Variants in GRK7 observed in about 807,000 individuals in gnomAD.
GRK7 encodes rhodopsin kinase GRK7.
A neutral mutation model predicts 34.1 loss-of-function variants in GRK7; 24 were observed. The ratio of observed to expected loss-of-function variants is 0.70; its 90% CI spans 0.51 to 0.99. GRK7 has a LOEUF of 0.99. Ranked by LOEUF, GRK7 falls within the 50% of genes least tolerant of loss-of-function variation. GRK7 has a pLI of 0.00. For missense variants in GRK7, 644 were observed against 707.3 expected (o/e 0.91, Z 1.02); for synonymous variants, 256 against 279.4 (o/e 0.92, Z 0.84).
intron 1 of GRK7, among the ~76,000 whole-genome samples, chr3:141,769,477 G>A (rs2084606244): frequency 5.3e-5 from 8 of 152,308 alleles, no homozygotes; most frequent in Admixed American, 5.2e-4. Context: ...CACATCGTAT[G>A]GCTAAACACT....
intron 5 of GRK7, among the ~76,000 whole-genome samples, chr3:141,815,218 T>G (rs1711139283): frequency 1.4e-5 from 2 of 139,672 alleles, no homozygotes; most frequent in African/African-American, 5.5e-5. Context: ...AGCCACCATG[T>G]CTGGTTGGTT....
intron 2 of GRK7, among the ~76,000 whole-genome samples, 131 bp downstream of exon 2, chr3:141,774,811 T>C (rs1359234409): frequency 2.1e-5 from 3 of 144,154 alleles, no homozygotes; most frequent in African/African-American, 7.6e-5. Flanking sequence ...ATTATTATTA[T>C]TATTAATTAT....
chr3:141,774,047 A>T (rs971136453), intron 1 of GRK7, among the ~76,000 whole-genome samples: 9 of 152,152 alleles, frequency 5.9e-5, no homozygotes, highest in Admixed American at 2.0e-4. Context: ...CTCTGCTTCT[A>T]ATATAAGAAT....
chr3:141,784,256 C>T (rs1030364936), intron 4 of GRK7, among the ~76,000 whole-genome samples: 10 of 152,162 alleles, frequency 6.6e-5, no homozygotes, highest in Non-Finnish European at 7.4e-5. Flanking sequence ...CAGTGCTGTC[C>T]GCTACCAGGA....
intron 1 of GRK7, among the ~76,000 whole-genome samples, chr3:141,768,801 C>A (rs2084602488): frequency 6.6e-6 from 1 of 152,100 alleles, no homozygotes; most frequent in African/African-American, 2.4e-5. Context: ...TTTCTTTCTC[C>A]TCATCATCTC....
chr3:141,787,121 A>C (rs989924953), intron 4 of GRK7, among the ~76,000 whole-genome samples: 14 of 152,292 alleles, frequency 9.2e-5, no homozygotes, highest in Admixed American at 4.6e-4. Flanking sequence ...TAGCCTGACC[A>C]ACATCTCCAT....
At chr3:141,781,414 G>A (rs1485563727) in intron 4 of GRK7, among the ~76,000 whole-genome samples, 1 of 151,890 alleles carries the variant, frequency 6.6e-6, no homozygotes, top group Non-Finnish European at 1.5e-5. Context: ...ACAGGCGCCT[G>A]TAATCCCAGC....
intron 4 of GRK7, among the ~76,000 whole-genome samples, chr3:141,806,428 T>C (rs1711036816): frequency 6.6e-6 from 1 of 152,048 alleles, no homozygotes; most frequent in African/African-American, 2.4e-5. Context: ...CCAGGCGTGG[T>C]GGCAGGCGCC....
At chr3:141,790,755 G>A (rs1447032784) in intron 4 of GRK7, among the ~76,000 whole-genome samples, 1 of 151,996 alleles carries the variant, frequency 6.6e-6, no homozygotes, top group Non-Finnish European at 1.5e-5. Context: ...GTAGAGTCGG[G>A]GTTTCACCAT....
Position 141,817,156 on chromosome 3 carries a change from A to T in GRK7, c.*106A>T. The T allele has an allele frequency of 1.3e-6, 1 of 796,628 alleles. No individual in the cohort carries two copies. The highest frequency in any genetic ancestry group is 2.0e-6 in the Non-Finnish European group (1 of 504,632). 49.3% of individuals were successfully genotyped at this position (796,628 alleles called of 1,614,324 possible). A position where few individuals can be genotyped will look rare whatever the true frequency, so the allele number is the denominator to read the frequency against. On this transcript the variant is annotated 3_prime_UTR_variant, in exon 6 of 6. Coordinates refer to ENST00000682958, the MANE Select transcript of GRK7 (RefSeq NM_139209.3). ...TGAGGGCTAATCAGTTAGGAGGGAC[A>T]TCACAACCACAAAACAATTCAAAAG...
At chr3:141,754,459 G>T in the GRK7 span, among the ~76,000 whole-genome samples, 1 of 137,044 alleles carries the variant, frequency 7.3e-6, no homozygotes, top group Non-Finnish European at 1.5e-5. Flanking sequence ...TTTTGAGACA[G>T]GGTCTCACTC....
intron 1 of GRK7, among the ~76,000 whole-genome samples, chr3:141,769,131 T>C (rs1200436673): frequency 6.6e-6 from 1 of 152,060 alleles, no homozygotes; most frequent in African/African-American, 2.4e-5. Context: ...CCACCTAACA[T>C]CACCACTGGG....
chr3:141,791,135 C>G (rs773197761), intron 4 of GRK7, among the ~76,000 whole-genome samples: 1 of 152,158 alleles, frequency 6.6e-6, no homozygotes, highest in Non-Finnish European at 1.5e-5. Context: ...AAGCTTGTTA[C>G]ATGTTTAGAT....
chr3:141,767,821 A>G (rs2107871101), intron 1 of GRK7, among the ~76,000 whole-genome samples: 1 of 152,264 alleles, frequency 6.6e-6, no homozygotes, highest in South Asian at 2.1e-4. Flanking sequence ...CCACAGGGAC[A>G]ATGCTAAGTG....
chr3:141,780,952 G>A, intron 4 of GRK7, 141 bp downstream of exon 4: 1 of 711,674 alleles, frequency 1.4e-6, no homozygotes, highest in East Asian at 2.7e-5. Context: ...TTGTCATCTT[G>A]CCTTAAGATG....
At chr3:141,777,605 C>T (rs1490976426) in intron 2 of GRK7, among the ~76,000 whole-genome samples, 2 of 150,484 alleles carry the variant, frequency 1.3e-5, no homozygotes, top group African/African-American at 4.9e-5. Flanking sequence ...TCTTTTAACC[C>T]AAGGTACTCC....
At chr3:141,763,291 A>G (rs2084565548), upstream of GRK7, among the ~76,000 whole-genome samples, 1 of 151,128 alleles carries the variant, frequency 6.6e-6, no homozygotes, top group South Asian at 2.1e-4. Context: ...GTGAGGGCAT[A>G]AGGCACCTAA....
chr3:141,788,541 GA>G (rs1324815737), intron 4 of GRK7, among the ~76,000 whole-genome samples: 1 of 152,166 alleles, frequency 6.6e-6, no homozygotes, highest in Non-Finnish European at 1.5e-5. Context: ...ACAGCTCCTA[GA>G]ACACGGTGAC....
intron 4 of GRK7, among the ~76,000 whole-genome samples, chr3:141,799,012 T>C (rs556154211): frequency 1.3e-3 from 192 of 152,346 alleles, no homozygotes; most frequent in Admixed American, 4.3e-3. Context: ...GCCAATTCTT[T>C]ACTTATTTCC....
Sources: gnomAD v4.1 joint callset for allele counts (sites outside exome capture counted in the v4.1 genomes callset) on GRCh38, gnomAD v4.1.1 for gene constraint, MANE v1.5 for transcripts, NCBI Gene and HGNC (gene_info 2026-07-23, HGNC 2026-07-21) for gene names.